Variants in ATP13A2 observed in about 807,000 individuals in gnomAD.
ATP13A2 encodes polyamine-transporting ATPase 13A2.
Under a neutral mutation model 138.3 loss-of-function variants are expected in ATP13A2, and 83 were observed. The ratio of observed to expected loss-of-function variants is 0.60; its 90% CI spans 0.50 to 0.72. The LOEUF (loss-of-function observed/expected upper bound fraction) is 0.72. ATP13A2 is among the 30% of genes least tolerant of loss of function. ATP13A2 has a pLI of 0.00. For synonymous variants in ATP13A2, 663 were observed against 699.0 expected, an observed-to-expected ratio of 0.95 and a Z score of 0.81; for missense variants, 1,402 against 1,606.4, an observed-to-expected ratio of 0.87 and a Z score of 2.17.
chr1:16,986,480 C>T lies in ATP13A2; in HGVS notation c.3388G>A (p.Gly1130Arg). The change falls in exon 28 of 29, where the codon GGG (glycine) becomes AGG (arginine). Residue 1130 changes from glycine to arginine, a missense_variant. Physicochemically the swap from Gly to Arg is moderately radical, Grantham distance 125. Transcript: ENST00000326735. This position sits in a 1 kb window ranked among gnomAD's most constrained non-coding sequence, Gnocchi z 6.9. ...LLGLVTLNFVGAFMLESVLDQ... is the reference protein window; with the variant it reads ...LLGLVTLNFVRAFMLESVLDQ... ...GGCCCCACCTCCAGCATGAAGGCCC[C>T]CACGAAGTTGAGGGTGACCAGACCC... is the stretch of plus-strand genomic sequence containing the variant. 6.2e-7 allele frequency: 1 copy of T among 1,612,414 alleles called. No homozygotes were observed.
rs2077816655 is a variant in ATP13A2, at chr1:17,011,912, G to C, written c.-174C>G. 5 of 480,498 alleles carry C rather than the reference G, an allele frequency of 1.0e-5. No individual in the cohort carries two copies. The highest frequency in any genetic ancestry group is 1.4e-5 in the Non-Finnish European group (5 of 364,906). The allele number at this position is 480,498 out of a possible 1,614,324, so 29.8% of individuals were successfully genotyped here. On this transcript the variant is annotated 5_prime_UTR_variant, in exon 1 of 29. Transcript: ENST00000326735. This position sits in a 1 kb window ranked among gnomAD's most constrained non-coding sequence, Gnocchi z 7.3. ...GCGGGGCACCTGGGCCACCAGGCTC[G>C]GCGCGGCTCCGACACTGCCGCAGTC...
intron 8 of ATP13A2, 22 bp from the exon 9 acceptor site, chr1:17,000,556 G>T: frequency 6.2e-7 from 1 of 1,610,310 alleles, no homozygotes; most frequent in Non-Finnish European, 8.5e-7. Context: ...GCGGGAGGCA[G>T]CGTCAGGGCC....
intron 12 of ATP13A2, chr1:16,996,775 T>C: frequency 1.6e-6 from 1 of 635,692 alleles, no homozygotes; most frequent in Non-Finnish European, 2.8e-6. Flanking sequence ...CCCTGCCCGC[T>C]CCAGCACTGT....
chr1:16,992,198 T>C, intron 18 of ATP13A2, 45 bp downstream of exon 18: 2 of 1,611,656 alleles, frequency 1.2e-6, no homozygotes, highest in Non-Finnish European at 1.7e-6. Context: ...CACCCCATTC[T>C]GTGCCAATGC....
intron 6 of ATP13A2, among the ~76,000 whole-genome samples, chr1:17,002,993 C>T (rs1285845463): frequency 2.6e-5 from 4 of 152,252 alleles, no homozygotes; most frequent in Admixed American, 6.5e-5. Context: ...GCCCGGAAAG[C>T]GTGGAAGACT....
At chr1:16,998,810 T>C (rs1407646959) in intron 11 of ATP13A2, among the ~76,000 whole-genome samples, 1 of 152,076 alleles carries the variant, frequency 6.6e-6, no homozygotes, top group African/African-American at 2.4e-5. Flanking sequence ...TGTGGAAGGA[T>C]GCCAGGAGAA....
At chr1:17,000,173 G>A in intron 10 of ATP13A2, 31 bp from the exon 11 acceptor site, 4 of 1,611,790 alleles carry the variant, frequency 2.5e-6, no homozygotes, top group Non-Finnish European at 3.4e-6. Context: ...AGCTCAGCTA[G>A]GTGGGGCCAG....
Position 16,992,471 on chromosome 1 carries a change from C to G in ATP13A2, c.1845+15G>C. The G allele has an allele frequency of 6.2e-7, 1 of 1,613,926 alleles. No individual in the cohort carries two copies. Among genetic ancestry groups the G allele is most frequent in the Non-Finnish European group, 8.5e-7 (1 of 1,179,920 alleles). ...ACCCCTCTGCCCTGCACCCAACAGG[C>G]CCCCCTCAGCTCACCATTGCCTGCA... On this transcript the variant is annotated intron_variant, in intron 17 of 28. Transcript: ENST00000326735.
At chr1:16,999,862 C>T in intron 11 of ATP13A2, 149 bp downstream of exon 11, 1 of 1,143,396 alleles carries the variant, frequency 8.7e-7, no homozygotes, top group South Asian at 1.6e-5. Flanking sequence ...GATCATGTCA[C>T]TGCACTCCAG....
chr1:16,995,846 G>T lies in ATP13A2; in HGVS notation c.1542+130C>A. 8.9e-7 allele frequency: 1 copy of T among 1,126,660 alleles called. No homozygotes were observed. The highest frequency in any genetic ancestry group is 1.3e-6 in the Non-Finnish European group (1 of 770,276). 69.8% of individuals were successfully genotyped at this position (1,126,660 alleles called of 1,614,324 possible). A position where few individuals can be genotyped will look rare whatever the true frequency, so the allele number is the denominator to read the frequency against. On this transcript the variant is annotated intron_variant, in intron 15 of 28. Transcript: ENST00000326735. This position sits in a 1 kb window ranked among gnomAD's most constrained non-coding sequence, Gnocchi z 4.1. ...GGAGTGGGATGGGGTGGATCCTCTG[G>T]GGGTTTCCATCCCTAGACAGGACCT... is the stretch of plus-strand genomic sequence containing the variant.
chr1:16,996,769 G>A, intron 12 of ATP13A2: 1 of 627,300 alleles, frequency 1.6e-6, no homozygotes, highest in Non-Finnish European at 2.8e-6. Flanking sequence ...CTACATCCCT[G>A]CCCGCTCCAG....
rs2076868083 is a variant in ATP13A2 at position 16,989,956 on chromosome 1, G to C, written c.2460C>G (p.Ser820=). 1 of 1,606,276 alleles carries C rather than the reference G, an allele frequency of 6.2e-7. No homozygotes were observed. The highest frequency in any genetic ancestry group is 8.5e-7 in the Non-Finnish European group (1 of 1,176,378). The stretch of plus-strand genomic sequence containing the variant: ...TGGGCCCGCTGAGGGCCAGGTGCCT[G>C]GATCGGGGGTCTGGCTCCACGGTGT... The part of the protein sequence containing the change: ...ASYTVEPDPR[S]RHLALSGPTF... The change falls in exon 22 of 29, where the codon TCC becomes TCG. Residue 820 remains serine, a synonymous_variant. Coordinates refer to ENST00000326735, the MANE Select transcript of ATP13A2 (RefSeq NM_022089.4).
chr1:17,005,302 C>T (rs1044519493), intron 3 of ATP13A2, 72 bp downstream of exon 3: 105 of 1,546,582 alleles, frequency 6.8e-5, no homozygotes, highest in Non-Finnish European at 8.8e-5. Context: ...CGGGTTGGCA[C>T]CCAAGCATCC....
chr1:16,988,357 G>A lies in ATP13A2; in HGVS notation c.2727C>T (p.Ser909=). 1 of 1,614,190 alleles carries A rather than the reference G, an allele frequency of 6.2e-7. No individual in the cohort carries two copies. The highest frequency in any genetic ancestry group is 8.5e-7 in the Non-Finnish European group (1 of 1,180,050). ...EASVVSPFTS[S]MASIECVPMV... Reference sequence around the variant, plus strand: ...TGGGCACGCACTCAATACTGGCCATGCTCGAGGTGAAGGGTGAGACCACTG... The same window carrying A: ...TGGGCACGCACTCAATACTGGCCATACTCGAGGTGAAGGGTGAGACCACTG... The change falls in exon 24 of 29, where the codon AGC becomes AGT. Residue 909 remains serine, a synonymous_variant. Coordinates refer to ENST00000326735, the MANE Select transcript of ATP13A2 (RefSeq NM_022089.4).
chr1:16,996,947 C>T lies in ATP13A2; in HGVS notation c.1195+73G>A. The stretch of plus-strand genomic sequence containing the variant: ...GTGGGGTCCAGGGTTCCAGGTCCCA[C>T]CCTGCCTCACTCCACCTCTCCCAAG... On this transcript the variant is annotated intron_variant, in intron 12 of 28. Transcript: ENST00000326735. The T allele has an allele frequency of 1.9e-6, 3 of 1,554,656 alleles. No individual in the cohort carries two copies. The South Asian group carries it at 3.5e-5, about 18-fold the overall frequency.
chr1:17,002,145 G>A, intron 7 of ATP13A2, 42 bp from the exon 8 acceptor site: 1 of 1,603,736 alleles, frequency 6.2e-7, no homozygotes, highest in Non-Finnish European at 8.5e-7. Context: ...AGGAGGAGCT[G>A]TGGCTGGACC....
chr1:16,993,651 T>C lies in ATP13A2; in HGVS notation c.1727A>G (p.Lys576Arg). 1 of 1,591,614 alleles carries C rather than the reference T, an allele frequency of 6.3e-7. No homozygotes were observed. The highest frequency in any genetic ancestry group is 1.1e-5 in the South Asian group (1 of 87,400). The stretch of plus-strand genomic sequence containing the variant: ...CACCCAGCCAGTAGACTCCACCATC[T>C]TCAAGTCCATGGGGTCGCCCACGGG... ...DTPVGDPMDLKMVESTGWVLE... is the reference protein window; with the variant it reads ...DTPVGDPMDLRMVESTGWVLE... The change falls in exon 16 of 29, where the codon AAG becomes AGG. Residue 576 changes from lysine (K) to arginine (R), a missense_variant. By Grantham distance (26) the Lys-to-Arg change is conservative. Coordinates refer to ENST00000326735, the MANE Select transcript of ATP13A2 (RefSeq NM_022089.4).
rs1264500643 is a variant in ATP13A2 at position 16,995,429 on chromosome 1, G to A, written c.1542+547C>T. The A allele has an allele frequency of 2.9e-5, 7 of 240,714 alleles. No homozygotes were observed. Among genetic ancestry groups the A allele is most frequent in the African/African-American group, 6.9e-5 (3 of 43,376 alleles). The allele number at this position is 240,714 out of a possible 1,614,324, so 14.9% of individuals were successfully genotyped here. A position where few individuals can be genotyped will look rare whatever the true frequency, so the allele number is the denominator to read the frequency against. The stretch of plus-strand genomic sequence containing the variant: ...CACTGCTGGGCCCCAAGGGTTGGGA[G>A]CAGCACGGGATGCACACTAGGGCCC... On this transcript the variant is annotated intron_variant, in intron 15 of 28. Coordinates refer to ENST00000326735, the MANE Select transcript of ATP13A2 (RefSeq NM_022089.4). This position sits in a 1 kb window ranked among gnomAD's most constrained non-coding sequence, Gnocchi z 4.1.
In ATP13A2 at chr1:16,991,997, A is replaced by G. The variant is rs373012377; in HGVS notation, c.2126+12T>C. 6.2e-7 allele frequency: 1 copy of G among 1,611,072 alleles called. No homozygotes were observed. The highest frequency in any genetic ancestry group is 8.5e-7 in the Non-Finnish European group (1 of 1,178,062). On this transcript the variant is annotated intron_variant, in intron 19 of 28. Transcript: ENST00000326735. ...TAGTCCTCAGAGTGGGTGGGACAGGAGACAGGCCCACCTCGTCAGTTGCTG... is the reference window on the plus strand; with the variant it reads ...TAGTCCTCAGAGTGGGTGGGACAGGGGACAGGCCCACCTCGTCAGTTGCTG...
Sources: gnomAD v4.1 joint callset for allele counts (sites outside exome capture counted in the v4.1 genomes callset) on GRCh38, gnomAD v4.1.1 for gene constraint, Gnocchi (gnomAD v3.1) non-coding constraint, MANE v1.5 for transcripts, NCBI Gene and HGNC (gene_info 2026-07-23, HGNC 2026-07-21) for gene names.